DENND1B: variants seen among roughly 807,000 people sequenced by gnomAD.
DENND1B encodes DENN domain-containing protein 1B.
In DENND1B, 59 loss-of-function variants were observed where a neutral mutation model predicts 90.1. The ratio of observed to expected loss-of-function variants is 0.65; its 90% CI spans 0.53 to 0.81. The LOEUF (loss-of-function observed/expected upper bound fraction) is 0.81, where lower values mean the gene tolerates loss of function less well. DENND1B is among the 40% of genes least tolerant of loss of function. DENND1B has a pLI of 0.00. For missense variants in DENND1B, 862 were observed against 912.6 expected (o/e 0.94, Z 0.71); for synonymous variants, 337 against 324.6 (o/e 1.04, Z -0.41).
chr1:197,612,006 T>G, intron 11 of DENND1B, 30 bp from the exon 12 acceptor site: 2 of 1,512,652 alleles, frequency 1.3e-6, no homozygotes, highest in Non-Finnish European at 1.8e-6. Context: ...ATGCATAGAT[T>G]CATATAGTTC....
At chr1:197,759,277 T>G (rs1654708397) in intron 2 of DENND1B, among the ~76,000 whole-genome samples, 1 of 151,574 alleles carries the variant, frequency 6.6e-6, no homozygotes, top group South Asian at 2.1e-4. Context: ...CCTTAAATAC[T>G]TCTTTAAAAA....
At chr1:197,539,096 C>G (rs897617915) in intron 20 of DENND1B, among the ~76,000 whole-genome samples, 1 of 152,186 alleles carries the variant, frequency 6.6e-6, no homozygotes, top group Non-Finnish European at 1.5e-5. Flanking sequence ...ACCCTGGAAG[C>G]ACCTTATGGC....
intron 2 of DENND1B, chr1:197,735,299 A>G: frequency 3.3e-6 from 4 of 1,224,146 alleles, no homozygotes; most frequent in Non-Finnish European, 4.1e-6. Flanking sequence ...GCTTTATTCT[A>G]CTATACCTCT....
At chr1:197,589,089 A>G (rs941890137) in intron 14 of DENND1B, among the ~76,000 whole-genome samples, 4 of 152,108 alleles carry the variant, frequency 2.6e-5, no homozygotes, top group African/African-American at 9.7e-5. Flanking sequence ...GTGAATTTAA[A>G]TACTTAGAAA....
chr1:197,584,667 A>G (rs1674537628), intron 14 of DENND1B, among the ~76,000 whole-genome samples: 1 of 152,124 alleles, frequency 6.6e-6, no homozygotes, highest in Non-Finnish European at 1.5e-5. Flanking sequence ...GATGATTGCC[A>G]ATTTTTTTCA....
At chr1:197,601,806 C>T (rs1676236816) in intron 13 of DENND1B, among the ~76,000 whole-genome samples, 1 of 151,642 alleles carries the variant, frequency 6.6e-6, no homozygotes, top group African/African-American at 2.4e-5. Flanking sequence ...TAAATGTTTA[C>T]AAGCACAGTT....
At chr1:197,715,886 T>A (rs537301674) in intron 2 of DENND1B, among the ~76,000 whole-genome samples, 1 of 151,778 alleles carries the variant, frequency 6.6e-6, no homozygotes, top group Non-Finnish European at 1.5e-5. Flanking sequence ...AACTTCTGAA[T>A]ACTTCAAATG....
At chr1:197,656,707 G>T (rs866110051) in intron 6 of DENND1B, among the ~76,000 whole-genome samples, 2 of 151,890 alleles carry the variant, frequency 1.3e-5, no homozygotes, top group African/African-American at 2.4e-5. Context: ...GGAGACTGAG[G>T]TGAGTGGATT....
chr1:197,653,944 AT>A (rs1159492141), intron 6 of DENND1B, among the ~76,000 whole-genome samples: 4 of 152,280 alleles, frequency 2.6e-5, no homozygotes, highest in African/African-American at 9.6e-5. Context: ...TTGCAAAAAA[AT>A]AAATAGTAGT....
chr1:197,746,579 G>A (rs562865968), intron 2 of DENND1B, among the ~76,000 whole-genome samples: 347 of 152,038 alleles, frequency 2.3e-3, no homozygotes, highest in Non-Finnish European at 4.2e-3. Context: ...ACTTCAGTAC[G>A]ACAAAGCCCT....
At chr1:197,731,825 A>T (rs1448626285) in intron 2 of DENND1B, among the ~76,000 whole-genome samples, 1 of 151,914 alleles carries the variant, frequency 6.6e-6, no homozygotes, top group Non-Finnish European at 1.5e-5. Context: ...CTTGCTATAC[A>T]TGATCTTTCT....
intron 20 of DENND1B, among the ~76,000 whole-genome samples, chr1:197,527,037 T>C (rs1383359238): frequency 6.6e-6 from 1 of 152,174 alleles, no homozygotes; most frequent in Non-Finnish European, 1.5e-5. Context: ...TTTTGGAAAT[T>C]AATATTATTT....
intron 5 of DENND1B, among the ~76,000 whole-genome samples, chr1:197,666,959 C>A (rs1655001392): frequency 6.6e-6 from 1 of 152,042 alleles, no homozygotes; most frequent in South Asian, 2.1e-4. Context: ...CATGGTGAAA[C>A]CCCGTCTCTA....
At chr1:197,703,313 A>G (rs992456050) in intron 3 of DENND1B, among the ~76,000 whole-genome samples, 1 of 152,054 alleles carries the variant, frequency 6.6e-6, no homozygotes, top group Non-Finnish European at 1.5e-5. Flanking sequence ...TACAAAAAAA[A>G]GAAAAAAGAA....
chr1:197,642,142 T>C (rs994536649), intron 10 of DENND1B, among the ~76,000 whole-genome samples: 3 of 152,126 alleles, frequency 2.0e-5, no homozygotes, highest in Non-Finnish European at 4.4e-5. Context: ...CTTTACCATA[T>C]TAATAAAGAC....
intron 10 of DENND1B, among the ~76,000 whole-genome samples, chr1:197,640,110 A>G (rs1395316747): frequency 1.3e-5 from 2 of 152,192 alleles, no homozygotes; most frequent in Non-Finnish European, 2.9e-5. Context: ...TTGTTTTTAA[A>G]GCCAAATACT....
intron 10 of DENND1B, among the ~76,000 whole-genome samples, chr1:197,642,454 C>T (rs558041444): frequency 1.3e-5 from 2 of 152,032 alleles, no homozygotes; most frequent in South Asian, 4.2e-4. Context: ...CTAAAATGAA[C>T]TCTGGAGAGT....
At chr1:197,586,366 T>C (rs1441539529) in intron 14 of DENND1B, among the ~76,000 whole-genome samples, 1 of 152,238 alleles carries the variant, frequency 6.6e-6, no homozygotes, top group Admixed American at 6.5e-5. Context: ...TTAGTTTATA[T>C]TGCTTTTTAA....
chr1:197,777,893 A>G (rs1002938559), upstream of DENND1B, among the ~76,000 whole-genome samples: 1 of 152,142 alleles, frequency 6.6e-6, no homozygotes, highest in Admixed American at 6.6e-5. Flanking sequence ...TTTGGGGTAC[A>G]GTGTTCTAAA....
Sources: gnomAD v4.1 joint callset for allele counts (sites outside exome capture counted in the v4.1 genomes callset) on GRCh38, gnomAD v4.1.1 for gene constraint, MANE v1.5 for transcripts, NCBI Gene and HGNC (gene_info 2026-07-23, HGNC 2026-07-21) for gene names.